The following ADD2 variants were observed in gnomAD, a reference collection of about 807,000 sequenced individuals.
The protein encoded by ADD2 is beta-adducin.
ADD2 carries 23 observed loss-of-function variants against 83.0 expected under a neutral mutation model. That is an observed-to-expected ratio of 0.28 (90% CI 0.20 to 0.39). The LOEUF (loss-of-function observed/expected upper bound fraction) is 0.39, where lower values mean the gene tolerates loss of function less well. Ranked by LOEUF, ADD2 falls within the 10% of genes least tolerant of loss-of-function variation. The pLI is 1.00. For missense variants in ADD2, 758 were observed against 944.9 expected (o/e 0.80, Z 2.59); for synonymous variants, 375 against 375.4 (o/e 1.00, Z 0.01).
intron 15 of ADD2, among the ~76,000 whole-genome samples, chr2:70,667,378 AAAAGGCTGCT>A (rs200038770): frequency 0.019 from 2,960 of 152,138 alleles, 65 homozygotes; most frequent in Admixed American, 0.057. Context: ...ACAAAGGACT[AAAAGGCTGCT>A]AGAGGCTGGA....
chr2:70,724,106 A>C (rs1672518303), intron 1 of ADD2, among the ~76,000 whole-genome samples: 1 of 152,228 alleles, frequency 6.6e-6, no homozygotes, highest in African/African-American at 2.4e-5. Flanking sequence ...TAGGCCTTAA[A>C]AGCTGTCTTG....
At chr2:70,756,383 C>A (rs1238338371) in intron 1 of ADD2, among the ~76,000 whole-genome samples, 1 of 152,162 alleles carries the variant, frequency 6.6e-6, no homozygotes, top group African/African-American at 2.4e-5. Flanking sequence ...CTCTGTGGGT[C>A]ACTTACGGAG....
At position 70,662,176 on chromosome 2, in the gene ADD2, A is replaced by G. The variant is rs1283745119; in HGVS notation, c.*1249T>C. 6.6e-6 allele frequency: 1 copy of G among 152,264 alleles called. No individual in the cohort carries two copies. Among genetic ancestry groups the G allele is most frequent in the Non-Finnish European group, 1.5e-5 (1 of 68,048 alleles). The allele number at this position is 152,264 out of a possible 1,614,324, so 9.4% of individuals were successfully genotyped here. A position where few individuals can be genotyped will look rare whatever the true frequency, so the allele number is the denominator to read the frequency against. On this transcript the variant is annotated 3_prime_UTR_variant, in exon 16 of 16. Coordinates refer to ENST00000264436, the MANE Select transcript of ADD2 (RefSeq NM_001617.4). ...AATTTTTAGGAGCCAACAAATGCTC[A>G]TTAATCAATGCCCCACGGAAGAACA...
At chr2:70,703,403 G>A (rs1281424968) in intron 4 of ADD2, among the ~76,000 whole-genome samples, 1 of 152,122 alleles carries the variant, frequency 6.6e-6, no homozygotes, top group Non-Finnish European at 1.5e-5. Flanking sequence ...CTATGGACCA[G>A]GGTAGAGGAA....
intron 13 of ADD2, chr2:70,675,958 G>C (rs1670116637): frequency 2.0e-6 from 2 of 985,302 alleles, no homozygotes; most frequent in South Asian, 4.7e-5. Flanking sequence ...TCCCCATCTT[G>C]GCTGAGTTGG....
chr2:70,700,068 A>T (rs564619039), intron 4 of ADD2, among the ~76,000 whole-genome samples: 8 of 152,336 alleles, frequency 5.3e-5, no homozygotes, highest in African/African-American at 1.9e-4. Flanking sequence ...CATAAATACC[A>T]AGAGAAATGA....
intron 4 of ADD2, among the ~76,000 whole-genome samples, chr2:70,697,180 C>T (rs1553372888): frequency 2.0e-5 from 3 of 152,228 alleles, no homozygotes; most frequent in African/African-American, 7.2e-5. Flanking sequence ...GCCAGATCAG[C>T]CTGAAAGTAA....
At chr2:70,755,743 TC>T (rs1674743174) in intron 1 of ADD2, among the ~76,000 whole-genome samples, 1 of 152,138 alleles carries the variant, frequency 6.6e-6, no homozygotes, top group African/African-American at 2.4e-5. Flanking sequence ...GGGGCTGCTA[TC>T]CAGGTCAAAT....
At chr2:70,714,747 CCCTCCCT>C (rs1244720330) in intron 1 of ADD2, among the ~76,000 whole-genome samples, 4 of 152,220 alleles carry the variant, frequency 2.6e-5, no homozygotes, top group African/African-American at 9.7e-5. Context: ...ATCTCCACTG[CCCTCCCT>C]AAGAACCAAT....
At chr2:70,688,427 T>C (rs1330518367) in intron 8 of ADD2, among the ~76,000 whole-genome samples, 1 of 152,270 alleles carries the variant, frequency 6.6e-6, no homozygotes, top group Non-Finnish European at 1.5e-5. Context: ...ATTTTAAAAC[T>C]GAGACTAAAT....
chr2:70,749,526 T>C (rs1553382576), intron 1 of ADD2, among the ~76,000 whole-genome samples: 1 of 151,668 alleles, frequency 6.6e-6, no homozygotes, highest in Non-Finnish European at 1.5e-5. Flanking sequence ...TTCCTCCCTA[T>C]CAGGGAACAA....
At chr2:70,765,344 T>C (rs534793268) in intron 1 of ADD2, among the ~76,000 whole-genome samples, 6 of 152,294 alleles carry the variant, frequency 3.9e-5, no homozygotes, top group East Asian at 3.9e-4. Flanking sequence ...CAGAATGAGA[T>C]TGTGTCTCAA....
intron 1 of ADD2, among the ~76,000 whole-genome samples, chr2:70,759,804 T>C (rs1390824541): frequency 1.3e-5 from 2 of 152,172 alleles, no homozygotes; most frequent in Admixed American, 6.5e-5. Flanking sequence ...CAGCCTTGGA[T>C]ATTCCTTCAT....
chr2:70,721,458 T>G (rs1553377351), intron 1 of ADD2, among the ~76,000 whole-genome samples: 1 of 152,224 alleles, frequency 6.6e-6, no homozygotes, highest in African/African-American at 2.4e-5. Flanking sequence ...CTACAGCAGG[T>G]TATTATCAGA....
At chr2:70,767,851 A>T in intron 1 of ADD2, 35 bp downstream of exon 1, 1 of 1,534,170 alleles carries the variant, frequency 6.5e-7, no homozygotes, top group Non-Finnish European at 8.7e-7. Flanking sequence ...CAGCGACCCC[A>T]GGCAGCCCAC....
intron 14 of ADD2, among the ~76,000 whole-genome samples, chr2:70,674,282 C>A (rs560809405): frequency 1.3e-5 from 2 of 152,136 alleles, no homozygotes; most frequent in East Asian, 3.9e-4. Flanking sequence ...AATAAAGGAG[C>A]GAGAAAAAGA....
chr2:70,666,990 C>A (rs1474328034), intron 15 of ADD2, among the ~76,000 whole-genome samples: 4 of 152,162 alleles, frequency 2.6e-5, no homozygotes, highest in Non-Finnish European at 5.9e-5. Context: ...AGGGACAGGG[C>A]TCCAGAAATC....
In ADD2 at chr2:70,685,117, G is replaced by A. The variant is rs548698716; in HGVS notation, c.949-1350C>T. On this transcript the variant is annotated intron_variant, in intron 9 of 15. Transcript: ENST00000264436. ...CATTATTATATTAGCATTCCAATAA[G>A]ATATGATATCCCATGTTAGCCTGCT... 6.6e-5 allele frequency among the ~76,000 whole-genome samples: 10 copies of A among 152,256 alleles called. No individual in the cohort carries two copies. The South Asian group carries it at 1.0e-3, about 16-fold the overall frequency.
intron 15 of ADD2, among the ~76,000 whole-genome samples, chr2:70,664,181 T>C (rs1367523096): frequency 2.6e-5 from 4 of 152,200 alleles, no homozygotes; most frequent in African/African-American, 7.2e-5. Context: ...CTCAAACCCA[T>C]TTCATTTTCT....
Sources: allele counts gnomAD v4.1 joint callset (sites outside exome capture counted in the v4.1 genomes callset), GRCh38; gene constraint gnomAD v4.1.1; transcripts MANE v1.5; gene names NCBI Gene and HGNC (gene_info 2026-07-23, HGNC 2026-07-21).